ADGRA2: variants seen among roughly 807,000 people sequenced by gnomAD.
The protein encoded by ADGRA2 is adhesion G protein-coupled receptor A2, also known as G-protein coupled receptor 124.
Under a neutral mutation model 98.7 loss-of-function variants are expected in ADGRA2, and 61 were observed. The observed-to-expected ratio is 0.62, with a 90% CI of 0.50 to 0.76. The LOEUF (loss-of-function observed/expected upper bound fraction) is 0.76, where lower values mean the gene tolerates loss of function less well. Ranked by LOEUF, ADGRA2 falls within the 30% of genes least tolerant of loss-of-function variation. ADGRA2 has a pLI of 0.00. For missense variants in ADGRA2, 1,712 were observed against 1,860.0 expected (o/e 0.92, Z 1.46); for synonymous variants, 858 against 831.5 (o/e 1.03, Z -0.55).
intron 1 of ADGRA2, among the ~76,000 whole-genome samples, chr8:37,798,107 G>A (rs1340624925): frequency 1.3e-5 from 2 of 152,020 alleles, no homozygotes; most frequent in Non-Finnish European, 2.9e-5. Context: ...AGAAAAGTCG[G>A]CCCTTGGAAT....
At position 37,811,631 on chromosome 8, in the gene ADGRA2, C is replaced by T. The variant is rs574185989; in HGVS notation, c.267-3265C>T. Among the ~76,000 whole-genome samples, 63 of 150,748 alleles carry T rather than the reference C, an allele frequency of 4.2e-4. No homozygotes were observed. The South Asian group carries it at 0.013, about 30-fold the overall frequency. On this transcript the variant is annotated intron_variant, in intron 1 of 18. Coordinates refer to ENST00000412232, the MANE Select transcript of ADGRA2 (RefSeq NM_032777.10). The stretch of plus-strand genomic sequence containing the variant: ...AGCTGGGATTACAGGCATGCACCAC[C>T]ACGCCTGGCTAATTTTGTATTTTTG...
At chr8:37,825,236 G>T (rs1805242159) in intron 2 of ADGRA2, among the ~76,000 whole-genome samples, 1 of 152,020 alleles carries the variant, frequency 6.6e-6, no homozygotes, top group Admixed American at 6.6e-5. Flanking sequence ...AGACCATCCA[G>T]CAAAGGACTT....
Position 37,842,460 on chromosome 8 carries a change from G to A in ADGRA2, c.*105G>A. Reference sequence around the variant, plus strand: ...TAGTCAGCAGGTTGGAGGCAGAGGAGCCGATGGCTGGAGGAAGCCCACAGG... The same window carrying A: ...TAGTCAGCAGGTTGGAGGCAGAGGAACCGATGGCTGGAGGAAGCCCACAGG... On this transcript the variant is annotated 3_prime_UTR_variant, in exon 19 of 19. Coordinates refer to ENST00000412232, the MANE Select transcript of ADGRA2 (RefSeq NM_032777.10). 2 of 1,371,506 alleles carry A rather than the reference G, an allele frequency of 1.5e-6. No individual in the cohort carries two copies. The highest frequency in any genetic ancestry group is 1.9e-6 in the Non-Finnish European group (2 of 1,061,946). The allele number at this position is 1,371,506 out of a possible 1,614,324, so 85.0% of individuals were successfully genotyped here. A position where few individuals can be genotyped will look rare whatever the true frequency, so the allele number is the denominator to read the frequency against.
chr8:37,844,803 G>A lies in ADGRA2; in HGVS notation c.*2448G>A. On this transcript the variant is annotated 3_prime_UTR_variant, in exon 19 of 19. Coordinates refer to ENST00000412232, the MANE Select transcript of ADGRA2 (RefSeq NM_032777.10). ...CTTCTCTCGGGTCTCCACTTCTGCT[G>A]TCCCATCCCGAAAGGCAGAGCGGAC... 6.2e-7 allele frequency: 1 copy of A among 1,614,130 alleles called. No homozygotes were observed. Among genetic ancestry groups the A allele is most frequent in the Non-Finnish European group, 8.5e-7 (1 of 1,180,028 alleles).
chr8:37,811,173 T>TC (rs1422802782), intron 1 of ADGRA2, among the ~76,000 whole-genome samples: 1 of 146,754 alleles, frequency 6.8e-6, no homozygotes, highest in Non-Finnish European at 1.5e-5. Context: ...TGTGTGTTTT[T>TC]TTTTTTTTTT....
rs1261050046 is a variant in ADGRA2 at position 37,839,604 on chromosome 8, C to T, written c.2493C>T (p.Tyr831=). 1 of 1,614,054 alleles carries T rather than the reference C, an allele frequency of 6.2e-7. No individual in the cohort carries two copies. The highest frequency in any genetic ancestry group is 8.5e-7 in the Non-Finnish European group (1 of 1,179,964). The change falls in exon 16 of 19, where the codon TAC becomes TAT. Residue 831 remains tyrosine (Y), a synonymous_variant. Transcript: ENST00000412232. The part of the protein sequence containing the change: ...VFAGGITLTN[Y]QMVCQAVGIT... ...CGGGGGGCATCACACTCACCAACTA[C>T]CAGATGGTCTGCCAGGCGGTAAGCA...
chr8:37,825,720 A>G (rs1262399572), intron 2 of ADGRA2, among the ~76,000 whole-genome samples: 2 of 152,178 alleles, frequency 1.3e-5, no homozygotes, highest in African/African-American at 2.4e-5. Flanking sequence ...GGTCCCAAAA[A>G]TGTCCAAGTC....
intron 1 of ADGRA2, among the ~76,000 whole-genome samples, chr8:37,808,074 T>C (rs1193568483): frequency 6.6e-6 from 1 of 152,116 alleles, no homozygotes; most frequent in Non-Finnish European, 1.5e-5. Flanking sequence ...GAACTCTGCT[T>C]GCTTCTCTCC....
intron 1 of ADGRA2, among the ~76,000 whole-genome samples, chr8:37,809,933 G>A (rs1230055226): frequency 6.6e-6 from 1 of 152,098 alleles, no homozygotes; most frequent in Non-Finnish European, 1.5e-5. Flanking sequence ...CCAGAGGCTT[G>A]TCCTTGCCCT....
At chr8:37,828,042 AGAGGTTGGAG>A (rs1439538532) in intron 2 of ADGRA2, among the ~76,000 whole-genome samples, 3 of 151,942 alleles carry the variant, frequency 2.0e-5, no homozygotes, top group African/African-American at 7.3e-5. Context: ...CTTGGGAGGC[AGAGGTTGGAG>A]GATGGCTTGG....
At chr8:37,840,931 G>A in intron 18 of ADGRA2, 82 bp downstream of exon 18, 1 of 1,097,642 alleles carries the variant, frequency 9.1e-7, no homozygotes, top group Admixed American at 1.9e-5. Context: ...CATCTGCCAG[G>A]TCCACCCAGC....
chr8:37,831,669 C>G (rs1039209975), intron 8 of ADGRA2, 82 bp downstream of exon 8: 3 of 1,255,418 alleles, frequency 2.4e-6, no homozygotes, highest in Non-Finnish European at 3.4e-6. Flanking sequence ...GCCAGAGTTT[C>G]CCCATCCGCT....
In ADGRA2 at chr8:37,834,020, C is replaced by A. The variant is rs1805536863; in HGVS notation, c.1500C>A (p.His500Gln). The change falls in exon 11 of 19, where the codon CAC (histidine) becomes CAA (glutamine). Residue 500 changes from histidine to glutamine, a missense_variant. Transcript: ENST00000412232. This position sits in a 1 kb window ranked among gnomAD's most constrained non-coding sequence, Gnocchi z 4.2. Reference sequence around the variant, plus strand: ...GCAACCTGATGCTGGTGGACGAGCACCTGCTGTGGCTGGCCCAGCGCGAGG... The same window carrying A: ...GCAACCTGATGCTGGTGGACGAGCAACTGCTGTGGCTGGCCCAGCGCGAGG... Reference protein sequence around the residue: ...MASNLMLVDEHLLWLAQREDK... With the variant: ...MASNLMLVDEQLLWLAQREDK... The A allele has an allele frequency of 1.9e-6, 3 of 1,613,136 alleles. No individual in the cohort carries two copies. Among genetic ancestry groups the A allele is most frequent in the Non-Finnish European group, 2.5e-6 (3 of 1,179,966 alleles).
In ADGRA2 at chr8:37,840,185, T is replaced by A; in HGVS notation, c.2576T>A (p.Val859Glu). 7 of 1,612,186 alleles carry A rather than the reference T, an allele frequency of 4.3e-6. No individual in the cohort carries two copies. Among genetic ancestry groups the A allele is most frequent in the Non-Finnish European group, 5.9e-6 (7 of 1,179,828 alleles). Residue 859 changes from valine to glutamate, a missense_variant, in exon 17 of 19, where the codon GTG (valine) becomes GAG (glutamate). Physicochemically the swap from Val to Glu is moderately radical, Grantham distance 121 (BLOSUM62 -2). Coordinates refer to ENST00000412232, the MANE Select transcript of ADGRA2 (RefSeq NM_032777.10). ...CTCTGGATGGGCGTGAAGGCGCGAG[T>A]GCTCCATAAGGAGCTCACCTGGAGG... ...TLLWMGVKARVLHKELTWRAP... is the reference protein window; with the variant it reads ...TLLWMGVKARELHKELTWRAP...
chr8:37,797,180 C>A lies in ADGRA2; in HGVS notation c.-89C>A, dbSNP rs953991085. On this transcript the variant is annotated 5_prime_UTR_variant, in exon 1 of 19. Coordinates refer to ENST00000412232, the MANE Select transcript of ADGRA2 (RefSeq NM_032777.10). The surrounding 1 kb of genome is among the most constrained non-coding windows in gnomAD (Gnocchi z 5.3). ...CACGCCCTCGGGAGCCCCGGGCCCC[C>A]GCTGAGCACTCCTCCCGCACGCCTG... 189 of 1,066,132 alleles carry A rather than the reference C, an allele frequency of 1.8e-4. No individual in the cohort carries two copies. The highest frequency in any genetic ancestry group is 4.1e-4 in the Admixed American group (9 of 21,702). The allele number at this position is 1,066,132 out of a possible 1,614,324, so 66.0% of individuals were successfully genotyped here.
chr8:37,798,790 C>T (rs1585958511), intron 1 of ADGRA2, among the ~76,000 whole-genome samples: 2 of 152,366 alleles, frequency 1.3e-5, no homozygotes, highest in Admixed American at 1.3e-4. Context: ...TGGTCAGCCT[C>T]TGACGCTGGC....
At position 37,842,082 on chromosome 8, in the gene ADGRA2, C is replaced by G. The variant is rs973031682; in HGVS notation, c.3744C>G (p.Pro1248=). The G allele has an allele frequency of 4.9e-5, 74 of 1,515,096 alleles. 1 individual carries two copies. In the African/African-American group the frequency reaches 1.0e-3, roughly 21 times the overall value. 93.9% of individuals were successfully genotyped at this position (1,515,096 alleles called of 1,614,324 possible). A position where few individuals can be genotyped will look rare whatever the true frequency, so the allele number is the denominator to read the frequency against. The change falls in exon 19 of 19, where the codon CCC becomes CCG. Residue 1248 remains proline (P), a synonymous_variant. Coordinates refer to ENST00000412232, the MANE Select transcript of ADGRA2 (RefSeq NM_032777.10). The part of the protein sequence containing the change: ...PGAGLQLEGE[P]MLTPSEGSDT... The stretch of plus-strand genomic sequence containing the variant: ...CCGGCCTGCAGCTGGAAGGCGAGCC[C>G]ATGCTCACGCCGTCCGAGGGCAGCG...
chr8:37,820,825 G>T (rs761551865), intron 2 of ADGRA2, among the ~76,000 whole-genome samples: 4 of 152,006 alleles, frequency 2.6e-5, no homozygotes, highest in Non-Finnish European at 5.9e-5. Flanking sequence ...GTTTTGCAAT[G>T]CAGGGTCCTG....
chr8:37,826,580 T>C (rs575255925), intron 2 of ADGRA2, among the ~76,000 whole-genome samples: 11 of 151,780 alleles, frequency 7.2e-5, no homozygotes, highest in African/African-American at 2.7e-4. Context: ...GTCCTTCGAG[T>C]CCTTCCTATG....
Sources: allele counts gnomAD v4.1 joint callset (sites outside exome capture counted in the v4.1 genomes callset), GRCh38; gene constraint gnomAD v4.1.1; non-coding constraint Gnocchi (gnomAD v3.1); transcripts MANE v1.5; gene names NCBI Gene and HGNC (gene_info 2026-07-23, HGNC 2026-07-21).